Variants in SIDT2 observed in about 807,000 individuals in gnomAD.
SIDT2 encodes SID1 transmembrane family, member 2.
Under a neutral mutation model 114.4 loss-of-function variants are expected in SIDT2, and 68 were observed. The ratio of observed to expected loss-of-function variants is 0.59; its 90% CI spans 0.49 to 0.73. The LOEUF is 0.73. SIDT2 is among the 30% of genes least tolerant of loss of function. SIDT2 has a pLI of 0.00. For synonymous variants in SIDT2, 470 were observed against 438.4 expected (o/e 1.07, Z -0.90); for missense variants, 918 against 1,097.1 (o/e 0.84, Z 2.31).
chr11:117,181,762 G>C, intron 2 of SIDT2, 45 bp from the exon 3 acceptor site: 2 of 1,612,546 alleles, frequency 1.2e-6, no homozygotes, highest in Non-Finnish European at 8.5e-7. Flanking sequence ...GGGGCAGGCC[G>C]GCTGGGACAG....
Position 117,186,332 on chromosome 11 carries a change from A to T in SIDT2, c.962+109A>T, listed in dbSNP as rs2030495125. On this transcript the variant is annotated intron_variant, in intron 9 of 25. Coordinates refer to ENST00000324225, the MANE Select transcript of SIDT2 (RefSeq NM_001040455.2). ...GCCTAGGGTAATCTACACCATCCAT[A>T]GCAGATGATGGTGGGGCTGTTAGAG... is the stretch of plus-strand genomic sequence containing the variant. 3 of 990,014 alleles carry T rather than the reference A, an allele frequency of 3.0e-6. No individual in the cohort carries two copies. In the Admixed American group the frequency reaches 5.7e-5, roughly 19 times the overall value. The allele number at this position is 990,014 out of a possible 1,614,324, so 61.3% of individuals were successfully genotyped here. A position where few individuals can be genotyped will look rare whatever the true frequency, so the allele number is the denominator to read the frequency against.
chr11:117,182,914 G>T, intron 6 of SIDT2, 108 bp downstream of exon 6: 1 of 1,239,724 alleles, frequency 8.1e-7, no homozygotes. Flanking sequence ...ACACACGACT[G>T]AGTCTTTGGC....
chr11:117,181,706 G>T (rs2030292482), intron 2 of SIDT2, 101 bp from the exon 3 acceptor site: 3 of 1,581,292 alleles, frequency 1.9e-6, no homozygotes, highest in Non-Finnish European at 2.6e-6. Flanking sequence ...CTCGCAGGGA[G>T]GTGGTGGAGA....
chr11:117,184,821 G>A (rs1347329415), intron 8 of SIDT2, among the ~76,000 whole-genome samples: 1 of 152,174 alleles, frequency 6.6e-6, no homozygotes, highest in African/African-American at 2.4e-5. Flanking sequence ...CGCCTCCCGG[G>A]TTCAAATGAT....
chr11:117,190,592 C>T lies in SIDT2; in HGVS notation c.1618-31C>T. The T allele has an allele frequency of 1.3e-6, 2 of 1,522,022 alleles. No individual in the cohort carries two copies. Among genetic ancestry groups the T allele is most frequent in the Non-Finnish European group, 1.8e-6 (2 of 1,117,794 alleles). The allele number at this position is 1,522,022 out of a possible 1,614,324, so 94.3% of individuals were successfully genotyped here. ...TTCTTCCCTTCCTGCCTCACTTCCT[C>T]CCTCCCTTCCCTTCTCTCTCTCCCC... On this transcript the variant is annotated intron_variant, in intron 17 of 25. Transcript: ENST00000324225. This position sits in a 1 kb window ranked among gnomAD's most constrained non-coding sequence, Gnocchi z 4.1.
chr11:117,190,405 C>A lies in SIDT2; in HGVS notation c.1617+116C>A. 6.8e-7 allele frequency: 1 copy of A among 1,464,164 alleles called. No homozygotes were observed. Among genetic ancestry groups the A allele is most frequent in the East Asian group, 2.4e-5 (1 of 42,394 alleles). 90.7% of individuals were successfully genotyped at this position (1,464,164 alleles called of 1,614,324 possible). On this transcript the variant is annotated intron_variant, in intron 17 of 25. Transcript: ENST00000324225. This position sits in a 1 kb window ranked among gnomAD's most constrained non-coding sequence, Gnocchi z 4.1. Reference sequence around the variant, plus strand: ...CCTGCCTTCCCCAGCTCTCCCCTCCCCAGTTCTGTCTGGCCCACCCTATCC... The same window carrying A: ...CCTGCCTTCCCCAGCTCTCCCCTCCACAGTTCTGTCTGGCCCACCCTATCC...
Position 117,187,383 on chromosome 11 carries a change from C to G in SIDT2, c.1021C>G (p.Pro341Ala), listed in dbSNP as rs762863205. The G allele has an allele frequency of 1.2e-6, 2 of 1,613,994 alleles. No homozygotes were observed. Among genetic ancestry groups the G allele is most frequent in the South Asian group, 2.2e-5 (2 of 91,072 alleles). ...IDRACPESGH[P>A]RVLADSFPGS... Reference sequence around the variant, plus strand: ...ACCTTGACTTCTCATTGCAGGTCACCCTCGAGTCCTGGCTGATTCTTTTCC... The same window carrying G: ...ACCTTGACTTCTCATTGCAGGTCACGCTCGAGTCCTGGCTGATTCTTTTCC... Residue 341 changes from proline to alanine, a missense_variant, in exon 11 of 26, where the codon CCT (proline) becomes GCT (alanine). Pro to Ala is a conservative substitution (Grantham distance 27, BLOSUM62 -1). Transcript: ENST00000324225.
intron 13 of SIDT2, 113 bp from the exon 14 acceptor site, chr11:117,189,056 G>A (rs1271917720): frequency 1.2e-5 from 14 of 1,164,598 alleles, no homozygotes; most frequent in African/African-American, 3.0e-5. Flanking sequence ...CTTGAACCCT[G>A]CCCCCCTGAA....
At position 117,189,508 on chromosome 11, in the gene SIDT2, A is replaced by G. The variant is rs2030623365; in HGVS notation, c.1419+107A>G. On this transcript the variant is annotated intron_variant, in intron 15 of 25. Transcript: ENST00000324225. ...GTGTTCCATCACAGGACCTGGGTTCAGATCCCAGCTCTGCCTTCCCAGCCG... is the reference window on the plus strand; with the variant it reads ...GTGTTCCATCACAGGACCTGGGTTCGGATCCCAGCTCTGCCTTCCCAGCCG... 9.0e-6 allele frequency: 11 copies of G among 1,217,970 alleles called. No homozygotes were observed. In the South Asian group the frequency reaches 1.5e-4, roughly 17 times the overall value. 75.4% of individuals were successfully genotyped at this position (1,217,970 alleles called of 1,614,324 possible). A position where few individuals can be genotyped will look rare whatever the true frequency, so the allele number is the denominator to read the frequency against.
In SIDT2 at chr11:117,186,619, G is replaced by C. The variant is rs146800220; in HGVS notation, c.998G>C (p.Arg333Pro). The stretch of plus-strand genomic sequence containing the variant: ...AAGACCCTGCTGGTGGCCATTGACC[G>C]AGCCTGCCCAGAAAGCGGTACCTCC... ...KKKTLLVAIDRACPESGHPRV... is the reference protein window; with the variant it reads ...KKKTLLVAIDPACPESGHPRV... Residue 333 changes from arginine (R) to proline (P), a missense_variant, in exon 10 of 26, where the codon CGA becomes CCA. Transcript: ENST00000324225. The C allele has an allele frequency of 2.5e-6, 4 of 1,569,370 alleles. No individual in the cohort carries two copies. Among genetic ancestry groups the C allele is most frequent in the African/African-American group, 2.7e-5 (2 of 73,044 alleles).
rs979397357 is a variant in SIDT2 at position 117,188,714 on chromosome 11, C to G, written c.1166C>G (p.Ser389Cys). The G allele has an allele frequency of 1.9e-5, 31 of 1,613,934 alleles. No homozygotes were observed. The highest frequency in any genetic ancestry group is 2.6e-5 in the Non-Finnish European group (31 of 1,179,884). ...CCCTCCCTGCCCTTTCCAGGCCGCT[C>G]CTTTGAACCTGTAGGTACTCGGCCC... ...GDLSYGYQGR[S>C]FEPVGTRPRV... The change falls in exon 13 of 26, where the codon TCC becomes TGC. Residue 389 changes from serine to cysteine, a missense_variant. Ser to Cys is a moderately radical substitution (Grantham distance 112). This residue lies in a region of SIDT2 where 553 missense variants were observed against 600.1 expected (regional missense o/e 0.92). Transcript: ENST00000324225. The surrounding 1 kb of genome is among the most constrained non-coding windows in gnomAD (Gnocchi z 4.0).
Position 117,192,467 on chromosome 11 carries a change from C to G in SIDT2, c.1981+105C>G. On this transcript the variant is annotated intron_variant, in intron 20 of 25. Coordinates refer to ENST00000324225, the MANE Select transcript of SIDT2 (RefSeq NM_001040455.2). The surrounding 1 kb of genome is among the most constrained non-coding windows in gnomAD (Gnocchi z 5.9). The stretch of plus-strand genomic sequence containing the variant: ...TTCTGTCTTGGGGGCCCTGGAGTCA[C>G]TGGGTGAGGAATTAGATCAGGCCTG... 1 of 1,464,822 alleles carries G rather than the reference C, an allele frequency of 6.8e-7. No homozygotes were observed. Among genetic ancestry groups the G allele is most frequent in the Non-Finnish European group, 9.5e-7 (1 of 1,056,798 alleles). 90.7% of individuals were successfully genotyped at this position (1,464,822 alleles called of 1,614,324 possible).
Position 117,190,475 on chromosome 11 carries a change from C to T in SIDT2, c.1618-148C>T. On this transcript the variant is annotated intron_variant, in intron 17 of 25. Transcript: ENST00000324225. The surrounding 1 kb of genome is among the most constrained non-coding windows in gnomAD (Gnocchi z 4.1). ...TGCCCTGCCCTCCCTTGCCAGCCTG[C>T]CCAGGCCAGCCCACCCCTGCACACC... 2.0e-6 allele frequency: 2 copies of T among 1,022,700 alleles called. No homozygotes were observed. The highest frequency in any genetic ancestry group is 3.2e-5 in the South Asian group (2 of 61,684). 63.4% of individuals were successfully genotyped at this position (1,022,700 alleles called of 1,614,324 possible). A position where few individuals can be genotyped will look rare whatever the true frequency, so the allele number is the denominator to read the frequency against.
At chr11:117,187,306 T>A in intron 10 of SIDT2, 72 bp from the exon 11 acceptor site, 1 of 1,446,870 alleles carries the variant, frequency 6.9e-7, no homozygotes, top group Non-Finnish European at 9.7e-7. Context: ...TCTGGACCTT[T>A]CTTTGTTCTT....
At chr11:117,180,111 C>G (rs1436818779) in intron 1 of SIDT2, among the ~76,000 whole-genome samples, 1 of 152,184 alleles carries the variant, frequency 6.6e-6, no homozygotes, top group African/African-American at 2.4e-5. Context: ...AGTCTAGACC[C>G]CAGGCAGAGC....
rs374514288 is a variant in SIDT2 at position 117,192,662 on chromosome 11, G to A, written c.2058+12G>A. The A allele has an allele frequency of 1.2e-6, 2 of 1,612,730 alleles. No individual in the cohort carries two copies. The highest frequency in any genetic ancestry group is 2.7e-5 in the African/African-American group (2 of 74,930). On this transcript the variant is annotated intron_variant, in intron 21 of 25. Transcript: ENST00000324225. This position sits in a 1 kb window ranked among gnomAD's most constrained non-coding sequence, Gnocchi z 5.9. ...GGCCGCTCTACGTGGTACCTGCCTG[G>A]TTCCCCTGCTCCATTCTCCACATCT... is the stretch of plus-strand genomic sequence containing the variant.
Position 117,181,491 on chromosome 11 carries a change from A to G in SIDT2, c.259A>G (p.Lys87Glu). The G allele has an allele frequency of 6.2e-7, 1 of 1,613,844 alleles. No homozygotes were observed. Among genetic ancestry groups the G allele is most frequent in the South Asian group, 1.1e-5 (1 of 91,056 alleles). ...GAPLLFVVRQ[K>E]EAVVSFQVPL... ...GCCGTTGCTGTTTGTGGTCCGCCAG[A>G]AGGAGGCTGTGGTGTCCTTCCAGGT... The change falls in exon 2 of 26, where the codon AAG (lysine) becomes GAG (glutamate). Residue 87 changes from lysine (K) to glutamate (E), a missense_variant. By Grantham distance (56) the Lys-to-Glu change is moderately conservative. Around this residue, in one of 4 missense-constraint regions of SIDT2, gnomAD observed 553 missense variants for 600.1 expected, o/e 0.92. Transcript: ENST00000324225.
chr11:117,195,683 T>C (rs1013855113), intron 24 of SIDT2, 119 bp from the exon 25 acceptor site: 52 of 974,780 alleles, frequency 5.3e-5, no homozygotes, highest in Non-Finnish European at 8.0e-5. Flanking sequence ...CAGGTCAGAA[T>C]TGCTGCTGTC....
Position 117,190,609 on chromosome 11 carries a change from T to C in SIDT2, c.1618-14T>C. 6.4e-7 allele frequency: 1 copy of C among 1,559,508 alleles called. No individual in the cohort carries two copies. Among genetic ancestry groups the C allele is most frequent in the Non-Finnish European group, 8.7e-7 (1 of 1,148,250 alleles). On this transcript the variant is annotated splice_polypyrimidine_tract_variant and intron_variant, in intron 17 of 25. Coordinates refer to ENST00000324225, the MANE Select transcript of SIDT2 (RefSeq NM_001040455.2). This position sits in a 1 kb window ranked among gnomAD's most constrained non-coding sequence, Gnocchi z 4.1. The stretch of plus-strand genomic sequence containing the variant: ...CACTTCCTCCCTCCCTTCCCTTCTC[T>C]CTCTCCCCAACAGGAATGTGGGATC...
Sources: allele counts gnomAD v4.1 joint callset (sites outside exome capture counted in the v4.1 genomes callset), GRCh38; gene constraint gnomAD v4.1.1; regional missense constraint gnomAD v4.1.1; non-coding constraint Gnocchi (gnomAD v3.1); transcripts MANE v1.5; gene names NCBI Gene and HGNC (gene_info 2026-07-23, HGNC 2026-07-21).